Variants in CYP39A1 observed in about 807,000 individuals in gnomAD.
CYP39A1 encodes the protein cytochrome P450 family 39 subfamily A member 1, also known as 24-hydroxycholesterol 7-alpha-hydroxylase.
Under a neutral mutation model 58.1 loss-of-function variants are expected in CYP39A1, and 49 were observed. The observed-to-expected ratio is 0.84, with a 90% confidence interval of 0.67 to 1.07. CYP39A1 has a LOEUF of 1.07. Among genes scored for constraint, CYP39A1 ranks in the 50% least tolerant of loss-of-function variants. The probability of loss-of-function intolerance (pLI) is 0.00; values close to 1 mark genes in which losing one functional copy is unlikely to be tolerated. For synonymous variants in CYP39A1, 209 were observed against 187.6 expected, an observed-to-expected ratio of 1.11 and a Z score of -0.93; for missense variants, 531 against 539.4, an observed-to-expected ratio of 0.98 and a Z score of 0.16.
intron 7 of CYP39A1, among the ~76,000 whole-genome samples, chr6:46,614,102 A>G (rs1292260481): frequency 6.6e-6 from 1 of 152,176 alleles, no homozygotes; most frequent in Non-Finnish European, 1.5e-5. Context: ...AATCTGTGAT[A>G]CTAAATAGCT....
intron 10 of CYP39A1, among the ~76,000 whole-genome samples, chr6:46,579,232 T>C (rs1314805245): frequency 1.3e-5 from 2 of 152,002 alleles, no homozygotes; most frequent in Non-Finnish European, 2.9e-5. Context: ...GTGATTCATC[T>C]CATAAACTAA....
At chr6:46,641,029 G>GTATAGTATGCTACTATACATCTTCTC (rs1776304195) in intron 2 of CYP39A1, among the ~76,000 whole-genome samples, 2 of 151,622 alleles carry the variant, frequency 1.3e-5, no homozygotes, top group Admixed American at 6.6e-5. Flanking sequence ...TACATCTTCT[G>GTATAGTATGCTACTATACATCTTCTC]TATGTATAGT....
intron 1 of CYP39A1, among the ~76,000 whole-genome samples, chr6:46,652,130 GAACTT>G (rs1379222328): frequency 2.0e-5 from 3 of 152,160 alleles, no homozygotes; most frequent in Non-Finnish European, 4.4e-5. Context: ...TACACATTTG[GAACTT>G]AACTTCGATG....
intron 1 of CYP39A1, among the ~76,000 whole-genome samples, chr6:46,649,392 A>G (rs1014048705): frequency 6.6e-6 from 1 of 152,252 alleles, no homozygotes; most frequent in Admixed American, 6.5e-5. Flanking sequence ...GTGAGTCACT[A>G]GGTTTTGTTG....
At position 46,604,723 on chromosome 6, in the gene CYP39A1, C is replaced by A. The variant is rs145688273; in HGVS notation, c.932-8603G>T. On this transcript the variant is annotated intron_variant, in intron 7 of 11. Coordinates refer to ENST00000275016, the MANE Select transcript of CYP39A1 (RefSeq NM_016593.5). Reference sequence around the variant, plus strand: ...TTTGAGAATTAGGTTATATGGCACCCATTTTTCATAACTGAGTGAACTATA... The same window carrying A: ...TTTGAGAATTAGGTTATATGGCACCAATTTTTCATAACTGAGTGAACTATA... 2.3e-3 allele frequency among the ~76,000 whole-genome samples: 350 copies of A among 152,222 alleles called. 1 individual carries two copies. The highest frequency in any genetic ancestry group is 8.0e-3 in the African/African-American group (331 of 41,530).
chr6:46,583,050 G>C (rs1185239848), intron 10 of CYP39A1: 1 of 984,886 alleles, frequency 1.0e-6, no homozygotes, highest in East Asian at 1.1e-4. Context: ...ACAAGCCCAT[G>C]ACTTTGTGGC....
intron 10 of CYP39A1, among the ~76,000 whole-genome samples, chr6:46,577,686 G>GTGTT (rs1219723749): frequency 6.6e-6 from 1 of 151,956 alleles, no homozygotes; most frequent in Non-Finnish European, 1.5e-5. Context: ...ACAAAGAAGG[G>GTGTT]TGTTACCTAA....
intron 7 of CYP39A1, among the ~76,000 whole-genome samples, chr6:46,611,647 C>T (rs1234620664): frequency 2.6e-5 from 4 of 151,324 alleles, no homozygotes; most frequent in Non-Finnish European, 5.9e-5. Flanking sequence ...TACTGGAGGA[C>T]AAAAATGGAG....
chr6:46,584,508 C>A (rs1738312), intron 10 of CYP39A1, among the ~76,000 whole-genome samples: 77,373 of 151,942 alleles, frequency 0.51, 22,146 homozygotes, highest in African/African-American at 0.79. Flanking sequence ...CTACCACTCC[C>A]TGTCTCACAC....
chr6:46,550,544 G>T, intron 11 of CYP39A1, 107 bp from the exon 12 acceptor site: 1 of 945,626 alleles, frequency 1.1e-6, no homozygotes, highest in Non-Finnish European at 1.5e-6. Flanking sequence ...CAAAATTTAG[G>T]TTTTTCAAGT....
chr6:46,618,848 A>G (rs1481675597), intron 7 of CYP39A1, among the ~76,000 whole-genome samples: 1 of 152,102 alleles, frequency 6.6e-6, no homozygotes, highest in East Asian at 1.9e-4. Flanking sequence ...TAGTTCTTCC[A>G]GTTGGCACAG....
At chr6:46,649,632 G>A (rs937319424) in intron 1 of CYP39A1, among the ~76,000 whole-genome samples, 26 of 152,040 alleles carry the variant, frequency 1.7e-4, no homozygotes, top group African/African-American at 6.0e-4. Flanking sequence ...CTTATAAGGC[G>A]GAAAATAAAA....
intron 6 of CYP39A1, 45 bp downstream of exon 6, chr6:46,630,918 G>A: frequency 1.5e-6 from 2 of 1,329,396 alleles, no homozygotes; most frequent in East Asian, 2.3e-5. Flanking sequence ...AAAGATGAAA[G>A]GACAGTGGAG....
At chr6:46,629,392 A>G (rs1319954885) in intron 6 of CYP39A1, among the ~76,000 whole-genome samples, 3 of 152,142 alleles carry the variant, frequency 2.0e-5, no homozygotes, top group East Asian at 3.9e-4. Context: ...TTGTTTCTCA[A>G]TTTTGCTATA....
chr6:46,645,824 A>AT (rs889936430), intron 1 of CYP39A1, among the ~76,000 whole-genome samples: 5 of 151,908 alleles, frequency 3.3e-5, no homozygotes, highest in Admixed American at 1.3e-4. Flanking sequence ...AAGACCTTTG[A>AT]TTTTTTTCAT....
chr6:46,601,610 A>C (rs1257690182), intron 7 of CYP39A1, among the ~76,000 whole-genome samples: 2 of 152,018 alleles, frequency 1.3e-5, no homozygotes, highest in African/African-American at 2.4e-5. Flanking sequence ...TAAAAGTGTT[A>C]ATACGTGTAA....
intron 10 of CYP39A1, among the ~76,000 whole-genome samples, chr6:46,578,320 G>C (rs745759020): frequency 6.6e-6 from 1 of 151,994 alleles, no homozygotes; most frequent in Non-Finnish European, 1.5e-5. Context: ...ACAACAAGAA[G>C]TTAGAAAGAT....
At chr6:46,556,837 C>T (rs1332693545) in intron 10 of CYP39A1, among the ~76,000 whole-genome samples, 1 of 152,024 alleles carries the variant, frequency 6.6e-6, no homozygotes, top group Non-Finnish European at 1.5e-5. Flanking sequence ...GCCATCTATT[C>T]AAAAGTTAAC....
intron 7 of CYP39A1, among the ~76,000 whole-genome samples, chr6:46,610,251 G>A (rs962027606): frequency 6.6e-6 from 1 of 152,200 alleles, no homozygotes; most frequent in Non-Finnish European, 1.5e-5. Context: ...TGTGCCAATT[G>A]TGTACTCTTT....
Sources: gnomAD v4.1 joint callset for allele counts (sites outside exome capture counted in the v4.1 genomes callset) on GRCh38, gnomAD v4.1.1 for gene constraint, MANE v1.5 for transcripts, NCBI Gene and HGNC (gene_info 2026-07-23, HGNC 2026-07-21) for gene names.